Variants in TEX10 observed in about 807,000 individuals in gnomAD.
TEX10 encodes testis-expressed protein 10.
TEX10 carries 24 observed loss-of-function variants against 104.4 expected under a neutral mutation model. The observed-to-expected ratio is 0.23, with a 90% CI of 0.17 to 0.32. TEX10 has a LOEUF of 0.32. Among genes scored for constraint, TEX10 ranks in the 10% least tolerant of loss-of-function variants. The probability of loss-of-function intolerance (pLI) is 1.00; values close to 1 mark genes in which losing one functional copy is unlikely to be tolerated. For synonymous variants in TEX10, 396 were observed against 393.4 expected, an observed-to-expected ratio of 1.01 and a Z score of -0.08; for missense variants, 921 against 1,083.9, an observed-to-expected ratio of 0.85 and a Z score of 2.11.
At chr9:100,324,920 T>C (rs1327165260) in intron 9 of TEX10, among the ~76,000 whole-genome samples, 1 of 152,138 alleles carries the variant, frequency 6.6e-6, no homozygotes, top group African/African-American at 2.4e-5. Flanking sequence ...TTTTAATATC[T>C]AAAAAGAAAA....
chr9:100,345,028 T>C (rs914475415), intron 4 of TEX10, among the ~76,000 whole-genome samples: 1 of 152,208 alleles, frequency 6.6e-6, no homozygotes, highest in African/African-American at 2.4e-5. Context: ...TATACATTCT[T>C]ACTGTCTCTA....
chr9:100,334,665 C>CTT lies in TEX10; in HGVS notation c.1251-4498_1251-4497dup, dbSNP rs11463306. Among the ~76,000 whole-genome samples the CTT allele has an allele frequency of 6.1e-3, 871 of 142,844 alleles. 9 individuals carry two copies. Among genetic ancestry groups the CTT allele is most frequent in the Middle Eastern group, 0.011 (3 of 280 alleles). 93.7% of individuals were successfully genotyped at this position (142,844 alleles called of 152,430 possible). On this transcript the variant is annotated intron_variant, in intron 5 of 14. Coordinates refer to ENST00000374902, the MANE Select transcript of TEX10 (RefSeq NM_017746.4). ...CTGGAACTGATAGGCTCATTTTGTT[C>CTT]TTTTTTTTTTTTTTCCTGAGACAGA... is the stretch of plus-strand genomic sequence containing the variant.
At chr9:100,344,998 T>C (rs932646818) in intron 4 of TEX10, among the ~76,000 whole-genome samples, 37 of 152,350 alleles carry the variant, frequency 2.4e-4, no homozygotes, top group African/African-American at 8.4e-4. Flanking sequence ...AAGTACTATA[T>C]ACTTTTTTTA....
Position 100,346,946 on chromosome 9 carries a change from G to A in TEX10, c.641C>T (p.Pro214Leu). ...TTGCTGAGAAGTGAGTCTCCGATTA[G>A]GATTTACAGAAAGTATCCAGGACTG... is the stretch of plus-strand genomic sequence containing the variant. ...RSQSWILSVN[P>L]NRRLTSQQWR... The change falls in exon 3 of 15, where the codon CCT becomes CTT. Residue 214 changes from proline to leucine, a missense_variant. Physicochemically the swap from Pro to Leu is moderately conservative, Grantham distance 98 (BLOSUM62 -3). Around this residue, in one of 3 missense-constraint regions of TEX10, gnomAD observed 753 missense variants for 868.4 expected, o/e 0.87. Coordinates refer to ENST00000374902, the MANE Select transcript of TEX10 (RefSeq NM_017746.4). 6.2e-7 allele frequency: 1 copy of A among 1,614,178 alleles called. No homozygotes were observed. Among genetic ancestry groups the A allele is most frequent in the Non-Finnish European group, 8.5e-7 (1 of 1,180,030 alleles).
In TEX10 at chr9:100,341,499, G is replaced by A. The variant is rs182860214; in HGVS notation, c.1138-1130C>T. 4.6e-3 allele frequency among the ~76,000 whole-genome samples: 551 copies of A among 119,800 alleles called. 3 individuals carry two copies. The highest frequency in any genetic ancestry group is 0.018 in the African/African-American group (518 of 29,414). The allele number at this position is 119,800 out of a possible 152,430, so 78.6% of individuals were successfully genotyped here. On this transcript the variant is annotated intron_variant, in intron 4 of 14. Coordinates refer to ENST00000374902, the MANE Select transcript of TEX10 (RefSeq NM_017746.4). ...AAATGACTTTCTTTCTCATTTGGGC[G>A]ATGTAACACTGGCATCATCCTTGAC... is the stretch of plus-strand genomic sequence containing the variant.
intron 1 of TEX10, 168 bp downstream of exon 1, chr9:100,352,604 C>T (rs1835485683): frequency 6.7e-7 from 1 of 1,492,290 alleles, no homozygotes; most frequent in Admixed American, 2.1e-5. Context: ...GCAGTGCCGG[C>T]CGCACACCCA....
intron 1 of TEX10, 93 bp downstream of exon 1, chr9:100,352,679 G>A (rs560101721): frequency 2.2e-6 from 3 of 1,344,166 alleles, no homozygotes; most frequent in South Asian, 1.7e-5. Context: ...GGCCGACCCT[G>A]CCCGCTTGGG....
chr9:100,352,495 G>C lies in TEX10; in HGVS notation c.-10+277C>G, dbSNP rs1254201259. On this transcript the variant is annotated intron_variant, in intron 1 of 14. Transcript: ENST00000374902. ...GACCAGAGTCGGGGAAGTGGGGCCC[G>C]ATTCACACACTCCGGGCTAAAACTC... 3.9e-6 allele frequency: 6 copies of C among 1,551,032 alleles called. No homozygotes were observed. The African/African-American group carries it at 4.1e-5, about 11-fold the overall frequency.
At chr9:100,333,251 A>G (rs1834915270) in intron 5 of TEX10, among the ~76,000 whole-genome samples, 1 of 152,140 alleles carries the variant, frequency 6.6e-6, no homozygotes, top group South Asian at 2.1e-4. Flanking sequence ...GGTGTGAGCC[A>G]CTGTGCCCGG....
At chr9:100,339,273 A>AAAAAAAAAT (rs1835101199) in intron 5 of TEX10, among the ~76,000 whole-genome samples, 1 of 108,374 alleles carries the variant, frequency 9.2e-6, no homozygotes, top group African/African-American at 3.8e-5. Context: ...AAAAAAAAAA[A>AAAAAAAAAT]AGTATATATA....
chr9:100,342,468 T>A (rs1421818222), intron 4 of TEX10, among the ~76,000 whole-genome samples: 1 of 152,232 alleles, frequency 6.6e-6, no homozygotes, highest in African/African-American at 2.4e-5. Flanking sequence ...CTGTTCTATA[T>A]CTATCTGCAC....
At chr9:100,352,630 G>C (rs577565082) in intron 1 of TEX10, 142 bp downstream of exon 1, 3 of 1,463,400 alleles carry the variant, frequency 2.1e-6, no homozygotes, top group African/African-American at 2.8e-5. Context: ...AGCTCGGAGG[G>C]ACGCCGCGGC....
chr9:100,323,618 G>A (rs908448610), intron 9 of TEX10, among the ~76,000 whole-genome samples: 7 of 152,230 alleles, frequency 4.6e-5, no homozygotes, highest in Non-Finnish European at 8.8e-5. Context: ...AAAAGGTAGA[G>A]AGAGCAATTC....
In TEX10 at chr9:100,308,553, A is replaced by G. The variant is rs1484030441; in HGVS notation, c.2412T>C (p.Leu804=). ...TCTCTATAGTGAGCAGAAAATAAAG[A>G]AGACTGTAGCAACAAGAAGCCAGAA... The part of the protein sequence containing the change: ...LPFLASCCYS[L]LYFLLTIEKG... The change falls in exon 13 of 15, where the codon CTT becomes CTC. Residue 804 remains leucine (L), a synonymous_variant. Coordinates refer to ENST00000374902, the MANE Select transcript of TEX10 (RefSeq NM_017746.4). The G allele has an allele frequency of 6.2e-7, 1 of 1,612,804 alleles. No homozygotes were observed. The highest frequency in any genetic ancestry group is 1.3e-5 in the African/African-American group (1 of 75,010).
chr9:100,341,375 G>A (rs559879693), intron 4 of TEX10, among the ~76,000 whole-genome samples: 70 of 152,248 alleles, frequency 4.6e-4, no homozygotes, highest in Non-Finnish European at 7.2e-4. Flanking sequence ...TTCTGCCTGA[G>A]CTCCAGATTT....
In TEX10 at chr9:100,302,232, CA is replaced by C. The variant is rs747529174; in HGVS notation, c.2748del (p.His918IlefsTer21). On this transcript the variant is annotated frameshift_variant, in exon 15 of 15. Coordinates refer to ENST00000374902, the MANE Select transcript of TEX10 (RefSeq NM_017746.4). LOFTEE classifies it high-confidence loss of function. ...AGTGCACTGGGCCCTTGGGGATGCC[CA>C]GTGATATACACGTTGAAGCAGTAAT... Reference protein sequence around the residue: ...DLHYCFNVYITGHPQGPSALA... With the variant: ...DLHYCFNVYIXGHPQGPSALA... 3 of 1,612,884 alleles carry C rather than the reference CA, an allele frequency of 1.9e-6. No individual in the cohort carries two copies. The Admixed American group carries it at 5.0e-5, about 27-fold the overall frequency.
intron 7 of TEX10, among the ~76,000 whole-genome samples, chr9:100,328,777 T>C (rs4743393): frequency 0.45 from 69,091 of 152,000 alleles, 17,395 homozygotes; most frequent in East Asian, 0.89. Flanking sequence ...TCATCTTCTA[T>C]TGCCCTCACT....
chr9:100,330,235 TA>T, intron 5 of TEX10, 66 bp from the exon 6 acceptor site: 1 of 1,171,098 alleles, frequency 8.5e-7, no homozygotes, highest in African/African-American at 1.5e-5. Context: ...TTAGAATACT[TA>T]AAATAATCTA....
At chr9:100,304,256 T>G in intron 13 of TEX10, 1 of 221,248 alleles carries the variant, frequency 4.5e-6, no homozygotes. Context: ...TATTCTAAAA[T>G]TCACATGGAA....
Sources: gnomAD v4.1 joint callset for allele counts (sites outside exome capture counted in the v4.1 genomes callset) on GRCh38, gnomAD v4.1.1 for gene constraint, gnomAD v4.1.1 regional missense constraint, MANE v1.5 for transcripts, NCBI Gene and HGNC (gene_info 2026-07-23, HGNC 2026-07-21) for gene names.